Variants in FCGR2A observed in about 807,000 individuals in gnomAD.
FCGR2A encodes low affinity immunoglobulin gamma Fc region receptor II-a.
A neutral mutation model predicts 29.3 loss-of-function variants in FCGR2A; 18 were observed. The observed-to-expected ratio is 0.62, with a 90% CI of 0.43 to 0.91. FCGR2A has a LOEUF of 0.91. Ranked by LOEUF, FCGR2A falls within the 40% of genes least tolerant of loss-of-function variation. FCGR2A has a pLI of 0.00. For synonymous variants in FCGR2A, 126 were observed against 144.8 expected, an observed-to-expected ratio of 0.87 and a Z score of 0.93; for missense variants, 287 against 393.0, an observed-to-expected ratio of 0.73 and a Z score of 2.28.
downstream of FCGR2A, among the ~76,000 whole-genome samples, chr1:161,520,598 G>C (rs546094142): frequency 2.9e-4 from 44 of 151,010 alleles, no homozygotes; most frequent in African/African-American, 1.0e-3. Context: ...ACATTAAAAT[G>C]CACCCAACAA....
intron 5 of FCGR2A, among the ~76,000 whole-genome samples, 196 bp downstream of exon 5, chr1:161,511,152 G>A (rs1177410728): frequency 6.6e-6 from 1 of 152,228 alleles, no homozygotes. Context: ...TTGCCATGGG[G>A]ATGAAAGAGG....
chr1:161,510,363 TC>T, intron 4 of FCGR2A: 1 of 642,794 alleles, frequency 1.6e-6, no homozygotes, highest in Non-Finnish European at 2.8e-6. Context: ...ATGCAGAGGT[TC>T]CCTAAGCTCC....
downstream of FCGR2A, chr1:161,523,838 A>T (rs1380225252): frequency 6.6e-6 from 1 of 151,950 alleles, no homozygotes; most frequent in Non-Finnish European, 1.5e-5. Flanking sequence ...GATCGGAAAA[A>T]AATGAAAGTG....
intron 1 of FCGR2A, 137 bp from the exon 2 acceptor site, chr1:161,505,849 TC>T: frequency 1.2e-6 from 1 of 848,136 alleles, no homozygotes; most frequent in Non-Finnish European, 2.0e-6. Context: ...TTATAAAAGA[TC>T]AACTGGAAAC....
intron 6 of FCGR2A, among the ~76,000 whole-genome samples, chr1:161,516,445 T>C (rs1489260899): frequency 1.2e-4 from 18 of 152,134 alleles, no homozygotes; most frequent in Non-Finnish European, 2.6e-4. Flanking sequence ...GAGAGGCTTT[T>C]AAAGGTCTAA....
intron 1 of FCGR2A, 111 bp from the exon 2 acceptor site, chr1:161,505,876 G>A: frequency 9.9e-7 from 1 of 1,010,624 alleles, no homozygotes; most frequent in Non-Finnish European, 1.6e-6. Flanking sequence ...CTTGAGATGG[G>A]TCCTGGAGAA....
At chr1:161,510,428 T>C (rs551409722) in intron 4 of FCGR2A, 12 of 496,802 alleles carry the variant, frequency 2.4e-5, no homozygotes, top group African/African-American at 9.6e-5. Flanking sequence ...GCTCATGTTA[T>C]AGCCATTCAC....
chr1:161,511,881 C>T (rs538545549), intron 5 of FCGR2A, among the ~76,000 whole-genome samples: 11 of 152,268 alleles, frequency 7.2e-5, no homozygotes, highest in South Asian at 2.1e-4. Context: ...CCGGCTGGAC[C>T]TGAGCCAGCG....
chr1:161,508,440 T>C (rs919904863), intron 3 of FCGR2A, among the ~76,000 whole-genome samples: 1 of 151,628 alleles, frequency 6.6e-6, no homozygotes, highest in Non-Finnish European at 1.5e-5. Flanking sequence ...AATACAAAAT[T>C]AGCCGGGCGT....
downstream of FCGR2A, among the ~76,000 whole-genome samples, chr1:161,522,204 TA>T (rs1676480825): frequency 6.6e-6 from 1 of 150,968 alleles, no homozygotes; most frequent in South Asian, 2.1e-4. Flanking sequence ...CAGAAAAAAA[TA>T]AAATAAAAAG....
At chr1:161,505,948 C>G (rs775695919) in intron 1 of FCGR2A, 39 bp from the exon 2 acceptor site, 5 of 1,612,236 alleles carry the variant, frequency 3.1e-6, no homozygotes, top group Non-Finnish European at 4.2e-6. Context: ...AAGCCGTGTT[C>G]TCCTGCTCGA....
In FCGR2A at chr1:161,519,651, T is replaced by G. The variant is rs993999920; in HGVS notation, c.*1503T>G. On this transcript the variant is annotated 3_prime_UTR_variant, in exon 7 of 7. Coordinates refer to ENST00000271450, the MANE Select transcript of FCGR2A (RefSeq NM_001136219.3). ...GTCTGTTTCTTTTCGGTGATGAAAG[T>G]CTTGAGAAGGTAGTAATGGATAAGA... 1 of 152,092 alleles carries G rather than the reference T, an allele frequency of 6.6e-6. No individual in the cohort carries two copies. Among genetic ancestry groups the G allele is most frequent in the African/African-American group, 2.4e-5 (1 of 41,358 alleles). The allele number at this position is 152,092 out of a possible 1,614,324, so 9.4% of individuals were successfully genotyped here.
chr1:161,506,672 A>G (rs769203374), intron 3 of FCGR2A, 81 bp downstream of exon 3: 33 of 1,591,416 alleles, frequency 2.1e-5, no homozygotes, highest in Admixed American at 3.4e-5. Flanking sequence ...TTTGCAGGAA[A>G]GAGTGGGCGT....
chr1:161,507,080 G>A (rs1029695854), intron 3 of FCGR2A, among the ~76,000 whole-genome samples: 2 of 152,172 alleles, frequency 1.3e-5, no homozygotes, highest in African/African-American at 4.8e-5. Context: ...AGGCTGATAG[G>A]CTGTTGCAAC....
Position 161,505,479 on chromosome 1 carries a change from G to A in FCGR2A, c.12G>A (p.Glu4=), listed in dbSNP as rs777432732. The A allele has an allele frequency of 5.0e-6, 8 of 1,613,810 alleles. No individual in the cohort carries two copies. The East Asian group carries it at 6.7e-5, about 13-fold the overall frequency. Residue 4 remains glutamate, a synonymous_variant, in exon 1 of 7, where the codon GAG becomes GAA. Coordinates refer to ENST00000271450, the MANE Select transcript of FCGR2A (RefSeq NM_001136219.3). ...GGCACAGTGCTGGGATGACTATGGA[G>A]ACCCAAATGTCTCAGAATGTATGTC... The part of the protein sequence containing the change: MTM[E]TQMSQNVCPR...
chr1:161,522,780 T>G (rs1364407558), downstream of FCGR2A: 1 of 152,080 alleles, frequency 6.6e-6, no homozygotes, highest in Non-Finnish European at 1.5e-5. Context: ...TTTCCTGAAC[T>G]GATCACCTTA....
Position 161,506,607 on chromosome 1 carries a change from C to A in FCGR2A, c.364+16C>A, listed in dbSNP as rs778015015. The A allele has an allele frequency of 1.2e-6, 2 of 1,613,698 alleles. No homozygotes were observed. The highest frequency in any genetic ancestry group is 1.7e-6 in the Non-Finnish European group (2 of 1,179,650). ...GTGCTTTCCGGTCAGTGGAGGAAGGCCCCAGGGTGGACCTGGGAGGGCCAG... is the reference window on the plus strand; with the variant it reads ...GTGCTTTCCGGTCAGTGGAGGAAGGACCCAGGGTGGACCTGGGAGGGCCAG... On this transcript the variant is annotated intron_variant, in intron 3 of 6. Coordinates refer to ENST00000271450, the MANE Select transcript of FCGR2A (RefSeq NM_001136219.3).
downstream of FCGR2A, among the ~76,000 whole-genome samples, chr1:161,521,730 T>G (rs1488432462): frequency 6.6e-6 from 1 of 152,022 alleles, no homozygotes; most frequent in Admixed American, 6.6e-5. Context: ...AAGCTCTCTC[T>G]TCTCTTGTTT....
chr1:161,511,028 A>T (rs557231449), intron 5 of FCGR2A, 72 bp downstream of exon 5: 2 of 1,609,276 alleles, frequency 1.2e-6, no homozygotes, highest in African/African-American at 2.7e-5. Context: ...AGACATTGCC[A>T]GAATCCCGCT....
Sources: allele counts gnomAD v4.1 joint callset (sites outside exome capture counted in the v4.1 genomes callset), GRCh38; gene constraint gnomAD v4.1.1; transcripts MANE v1.5; gene names NCBI Gene and HGNC (gene_info 2026-07-23, HGNC 2026-07-21).